Variants in FOXJ3 observed in about 807,000 individuals in gnomAD.
FOXJ3 encodes the protein forkhead box protein J3.
Under a neutral mutation model 76.1 loss-of-function variants are expected in FOXJ3, and 22 were observed. The observed-to-expected ratio is 0.29, with a 90% CI of 0.21 to 0.41. The LOEUF (loss-of-function observed/expected upper bound fraction) is 0.41, where lower values mean the gene tolerates loss of function less well. Ranked by LOEUF, FOXJ3 falls within the 10% of genes least tolerant of loss-of-function variation. The pLI is 1.00. For synonymous variants in FOXJ3, 269 were observed against 261.2 expected, an observed-to-expected ratio of 1.03 and a Z score of -0.29; for missense variants, 613 against 762.1, an observed-to-expected ratio of 0.80 and a Z score of 2.30.
chr1:42,276,609 T>C (rs911180091), intron 3 of FOXJ3, among the ~76,000 whole-genome samples: 1 of 152,190 alleles, frequency 6.6e-6, no homozygotes, highest in Non-Finnish European at 1.5e-5. Context: ...TTTTATGTTG[T>C]TTTGCTTAAA....
At chr1:42,196,671 C>T (rs1015768114) in intron 7 of FOXJ3, among the ~76,000 whole-genome samples, 23 of 152,188 alleles carry the variant, frequency 1.5e-4, no homozygotes, top group Admixed American at 2.6e-4. Flanking sequence ...TCAGTCTGGG[C>T]GACAGAGAGA....
At chr1:42,208,779 A>G (rs1646909040) in intron 5 of FOXJ3, among the ~76,000 whole-genome samples, 1 of 152,212 alleles carries the variant, frequency 6.6e-6, no homozygotes, top group African/African-American at 2.4e-5. Context: ...TGAAACTACC[A>G]TAAGTCAAAA....
intron 4 of FOXJ3, among the ~76,000 whole-genome samples, chr1:42,235,844 A>G (rs1307190490): frequency 6.6e-6 from 1 of 152,028 alleles, no homozygotes; most frequent in Non-Finnish European, 1.5e-5. Flanking sequence ...GAGCCACTGC[A>G]CCAGGCCTAG....
At chr1:42,327,889 C>T (rs1242034897) in intron 1 of FOXJ3, among the ~76,000 whole-genome samples, 1 of 152,168 alleles carries the variant, frequency 6.6e-6, no homozygotes, top group Non-Finnish European at 1.5e-5. Flanking sequence ...AGTCAGTTTA[C>T]TGGGTAAAGC....
At chr1:42,284,757 T>C (rs2124690070) in intron 2 of FOXJ3, among the ~76,000 whole-genome samples, 1 of 152,306 alleles carries the variant, frequency 6.6e-6, no homozygotes, top group Admixed American at 6.5e-5. Context: ...GTCAAATAAC[T>C]TGGATGAAGG....
At chr1:42,187,033 A>G (rs1286896274) in intron 11 of FOXJ3, among the ~76,000 whole-genome samples, 2 of 152,108 alleles carry the variant, frequency 1.3e-5, no homozygotes, top group African/African-American at 4.8e-5. Context: ...TTTTTAGTAG[A>G]GACGGGGTTT....
rs563238016 is a variant in FOXJ3, at chr1:42,312,205, C to T, written c.-17-1095G>A. Among the ~76,000 whole-genome samples, 6 of 152,214 alleles carry T rather than the reference C, an allele frequency of 3.9e-5. No individual in the cohort carries two copies. The South Asian group carries it at 1.0e-3, about 26-fold the overall frequency. On this transcript the variant is annotated intron_variant, in intron 1 of 12. Transcript: ENST00000361346. ...GAAACAAAAAAATCCAAAATTTTAC[C>T]TGCAATCTCTTGATTTTTTAACGTT...
intron 2 of FOXJ3, among the ~76,000 whole-genome samples, chr1:42,289,616 T>C (rs1259675912): frequency 6.6e-6 from 1 of 152,198 alleles, no homozygotes; most frequent in Admixed American, 6.5e-5. Flanking sequence ...CTCATGCACA[T>C]GTCAGGCTTT....
chr1:42,244,188 A>T (rs955189924), intron 4 of FOXJ3, among the ~76,000 whole-genome samples: 9 of 152,226 alleles, frequency 5.9e-5, no homozygotes, highest in African/African-American at 9.6e-5. Flanking sequence ...GAGCTAAAGG[A>T]AAGTTTATAA....
chr1:42,223,650 A>C (rs1280684837), intron 5 of FOXJ3, among the ~76,000 whole-genome samples: 3 of 152,224 alleles, frequency 2.0e-5, no homozygotes, highest in Non-Finnish European at 4.4e-5. Flanking sequence ...TGTATTCTGA[A>C]TCACTTCAGT....
At chr1:42,208,895 ATT>A (rs1238833352) in intron 5 of FOXJ3, among the ~76,000 whole-genome samples, 1 of 152,254 alleles carries the variant, frequency 6.6e-6, no homozygotes, top group Non-Finnish European at 1.5e-5. Flanking sequence ...AAAAGCATCT[ATT>A]TTATAATAAA....
intron 4 of FOXJ3, among the ~76,000 whole-genome samples, chr1:42,236,463 A>G (rs1187362246): frequency 6.6e-6 from 1 of 152,226 alleles, no homozygotes; most frequent in African/African-American, 2.4e-5. Context: ...CCCAAGCACT[A>G]GGATTACAGG....
chr1:42,283,036 G>T (rs1257684429), intron 2 of FOXJ3, among the ~76,000 whole-genome samples: 1 of 152,072 alleles, frequency 6.6e-6, no homozygotes, highest in East Asian at 1.9e-4. Context: ...AGAAAGTAAG[G>T]GTACTCATAG....
rs1022882978 is a variant in FOXJ3, at chr1:42,179,116, T to C, written c.*594A>G. On this transcript the variant is annotated 3_prime_UTR_variant, in exon 13 of 13. Transcript: ENST00000361346. Reference sequence around the variant, plus strand: ...TGCCCCTTCGGATTGTTGGAGTGTGTCAAATTCTGGTTTCCTTGACTTATT... The same window carrying C: ...TGCCCCTTCGGATTGTTGGAGTGTGCCAAATTCTGGTTTCCTTGACTTATT... 6.6e-6 allele frequency: 1 copy of C among 152,558 alleles called. No individual in the cohort carries two copies. The highest frequency in any genetic ancestry group is 1.5e-5 in the Non-Finnish European group (1 of 68,056). 9.5% of individuals were successfully genotyped at this position (152,558 alleles called of 1,614,324 possible). A position where few individuals can be genotyped will look rare whatever the true frequency, so the allele number is the denominator to read the frequency against.
chr1:42,273,704 AAGAGGAGGATATCATGTAG>A (rs1320168045), intron 3 of FOXJ3, among the ~76,000 whole-genome samples: 1 of 151,452 alleles, frequency 6.6e-6, no homozygotes, highest in Non-Finnish European at 1.5e-5. Flanking sequence ...AATTGCAGAA[AAGAGGAGGATATCATGTAG>A]ACCAGATATT....
intron 12 of FOXJ3, 60 bp from the exon 13 acceptor site, chr1:42,179,885 C>T: frequency 9.8e-7 from 1 of 1,023,528 alleles, no homozygotes; most frequent in South Asian, 1.3e-5. Flanking sequence ...AAGAAATAAA[C>T]TAACCCCTAC....
chr1:42,248,223 C>T (rs1218317101), intron 4 of FOXJ3, among the ~76,000 whole-genome samples: 3 of 152,100 alleles, frequency 2.0e-5, no homozygotes, highest in Non-Finnish European at 2.9e-5. Context: ...AATAAAACTA[C>T]TGAATTATAC....
chr1:42,250,573 G>C (rs923962459), intron 4 of FOXJ3, among the ~76,000 whole-genome samples: 8 of 151,990 alleles, frequency 5.3e-5, no homozygotes, highest in Non-Finnish European at 1.2e-4. Context: ...GGCCGGGCAC[G>C]TGGGAGGCTG....
chr1:42,228,479 C>G (rs370019956), intron 4 of FOXJ3, among the ~76,000 whole-genome samples: 4 of 147,046 alleles, frequency 2.7e-5, no homozygotes, highest in Non-Finnish European at 4.4e-5. Flanking sequence ...TTCTCTCTTA[C>G]TTTTTGAGAC....
Sources: gnomAD v4.1 joint callset for allele counts (sites outside exome capture counted in the v4.1 genomes callset) on GRCh38, gnomAD v4.1.1 for gene constraint, MANE v1.5 for transcripts, NCBI Gene and HGNC (gene_info 2026-07-23, HGNC 2026-07-21) for gene names.